RNF13: variants seen among roughly 807,000 people sequenced by gnomAD.
RNF13 encodes the protein ring finger protein 13.
A neutral mutation model predicts 37.7 loss-of-function variants in RNF13; 19 were observed. That is an observed-to-expected ratio of 0.50 (90% CI 0.35 to 0.74). RNF13 has a LOEUF of 0.74. Ranked by LOEUF, RNF13 falls within the 30% of genes least tolerant of loss-of-function variation. The probability of loss-of-function intolerance (pLI) is 0.01; values close to 1 mark genes in which losing one functional copy is unlikely to be tolerated. For missense variants in RNF13, 375 were observed against 453.0 expected (o/e 0.83, Z 1.56); for synonymous variants, 144 against 157.8 (o/e 0.91, Z 0.65).
chr3:149,827,452 T>G (rs1219614395), intron 1 of RNF13, among the ~76,000 whole-genome samples: 1 of 152,166 alleles, frequency 6.6e-6, no homozygotes, highest in Non-Finnish European at 1.5e-5. Context: ...TCTTAAATTT[T>G]TTTTTTGAGC....
At chr3:149,935,717 T>C (rs1719607367) in intron 8 of RNF13, among the ~76,000 whole-genome samples, 1 of 152,222 alleles carries the variant, frequency 6.6e-6, no homozygotes, top group Non-Finnish European at 1.5e-5. Flanking sequence ...AATTTACATC[T>C]TTTTATATTG....
chr3:149,878,294 G>A (rs994938326), intron 4 of RNF13, among the ~76,000 whole-genome samples: 1 of 152,150 alleles, frequency 6.6e-6, no homozygotes, highest in Non-Finnish European at 1.5e-5. Context: ...AATGAACGAT[G>A]TCTAGGTAAG....
intron 1 of RNF13, among the ~76,000 whole-genome samples, chr3:149,827,469 G>T (rs570608974): frequency 6.6e-6 from 1 of 151,734 alleles, no homozygotes; most frequent in Non-Finnish European, 1.5e-5. Flanking sequence ...GAGCATAGAG[G>T]CTCTGCAGAA....
intron 1 of RNF13, among the ~76,000 whole-genome samples, chr3:149,821,952 T>A (rs905218084): frequency 1.3e-5 from 2 of 152,192 alleles, no homozygotes; most frequent in Non-Finnish European, 2.9e-5. Flanking sequence ...CAATTGGCTA[T>A]AGATGTATCA....
chr3:149,937,323 C>A (rs1217591852), intron 8 of RNF13, among the ~76,000 whole-genome samples: 3 of 152,080 alleles, frequency 2.0e-5, no homozygotes, highest in African/African-American at 4.8e-5. Context: ...AGGATAGGAA[C>A]CGTAAGTCTT....
chr3:149,846,801 G>A (rs1722681723), intron 2 of RNF13, among the ~76,000 whole-genome samples: 1 of 152,150 alleles, frequency 6.6e-6, no homozygotes, highest in Non-Finnish European at 1.5e-5. Flanking sequence ...TAAGATCTCA[G>A]TAGTATCTCT....
chr3:149,836,070 G>A (rs1721596690), intron 1 of RNF13, among the ~76,000 whole-genome samples: 1 of 152,006 alleles, frequency 6.6e-6, no homozygotes, highest in African/African-American at 2.4e-5. Flanking sequence ...AAATTTTTTT[G>A]ATAATGGCCA....
At chr3:149,913,360 ATAATGTTAAGAT>A (rs1237390367) in intron 7 of RNF13, among the ~76,000 whole-genome samples, 1 of 152,166 alleles carries the variant, frequency 6.6e-6, no homozygotes, top group African/African-American at 2.4e-5. Context: ...TAATTTTGGA[ATAATGTTAAGAT>A]TTACAGAAAG....
chr3:149,954,641 C>T (rs1721684218), intron 8 of RNF13, among the ~76,000 whole-genome samples: 1 of 152,166 alleles, frequency 6.6e-6, no homozygotes. Flanking sequence ...ATTTACCACA[C>T]TTTGGGGACA....
rs960923753 is a variant in RNF13, at chr3:149,827,947, A to C, written c.-17+14594A>C. Among the ~76,000 whole-genome samples, 11 of 137,782 alleles carry C rather than the reference A, an allele frequency of 8.0e-5. No individual in the cohort carries two copies. In the East Asian group the frequency reaches 1.7e-3, roughly 21 times the overall value. 90.4% of individuals were successfully genotyped at this position (137,782 alleles called of 152,430 possible). Reference sequence around the variant, plus strand: ...CAGCAAGGCAAGACCCTATCTCTCTATTTTTTTTTTTTTTTTAAAGAAACA... The same window carrying C: ...CAGCAAGGCAAGACCCTATCTCTCTCTTTTTTTTTTTTTTTTAAAGAAACA... On this transcript the variant is annotated intron_variant, in intron 1 of 9. Transcript: ENST00000392894.
intron 1 of RNF13, among the ~76,000 whole-genome samples, chr3:149,818,563 T>A (rs1030134727): frequency 5.3e-5 from 8 of 151,930 alleles, no homozygotes; most frequent in Non-Finnish European, 1.2e-4. Flanking sequence ...ATTAAAGGAG[T>A]CAGTTAAATG....
chr3:149,814,201 G>A (rs984534062), intron 1 of RNF13: 2 of 152,196 alleles, frequency 1.3e-5, no homozygotes, highest in Non-Finnish European at 2.9e-5. Context: ...GAAAACTGAT[G>A]CATTCCTTTC....
At chr3:149,855,718 A>G (rs1055336189) in intron 3 of RNF13, among the ~76,000 whole-genome samples, 1 of 152,060 alleles carries the variant, frequency 6.6e-6, no homozygotes, top group African/African-American at 2.4e-5. Flanking sequence ...ATGTACATCT[A>G]AAAGTTTCAT....
intron 3 of RNF13, among the ~76,000 whole-genome samples, chr3:149,867,634 G>A (rs1290986831): frequency 6.6e-6 from 1 of 151,700 alleles, no homozygotes; most frequent in African/African-American, 2.4e-5. Flanking sequence ...GCTACTACTG[G>A]AATTTCATTT....
intron 1 of RNF13, among the ~76,000 whole-genome samples, chr3:149,822,772 T>C (rs1720111115): frequency 6.6e-6 from 1 of 152,138 alleles, no homozygotes; most frequent in African/African-American, 2.4e-5. Context: ...TTTTCAAAGT[T>C]ACAATTATTT....
intron 8 of RNF13, among the ~76,000 whole-genome samples, chr3:149,935,237 C>G (rs1719558434): frequency 6.6e-6 from 1 of 152,046 alleles, no homozygotes; most frequent in African/African-American, 2.4e-5. Flanking sequence ...ATATCTTTTT[C>G]CACCCCTTTA....
At chr3:149,882,396 T>C (rs1231911041) in intron 4 of RNF13, among the ~76,000 whole-genome samples, 2 of 152,134 alleles carry the variant, frequency 1.3e-5, no homozygotes, top group Non-Finnish European at 2.9e-5. Flanking sequence ...AGTTGCAGTT[T>C]ACTTTAAACA....
chr3:149,854,580 G>C (rs1449754561), intron 3 of RNF13, among the ~76,000 whole-genome samples: 3 of 152,196 alleles, frequency 2.0e-5, no homozygotes, highest in Non-Finnish European at 4.4e-5. Flanking sequence ...GAGTATCATA[G>C]CCTGGACAGG....
chr3:149,892,372 A>AT (rs1714800875), intron 4 of RNF13, among the ~76,000 whole-genome samples: 1 of 152,230 alleles, frequency 6.6e-6, no homozygotes, highest in Admixed American at 6.5e-5. Flanking sequence ...ATTCATGTAT[A>AT]TAGATGATTC....
Sources: gnomAD v4.1 joint callset for allele counts (sites outside exome capture counted in the v4.1 genomes callset) on GRCh38, gnomAD v4.1.1 for gene constraint, MANE v1.5 for transcripts, NCBI Gene and HGNC (gene_info 2026-07-23, HGNC 2026-07-21) for gene names.